SLC12A3: variants seen among roughly 807,000 people sequenced by gnomAD.
SLC12A3 encodes the protein solute carrier family 12 member 3.
SLC12A3 carries 104 observed loss-of-function variants against 121.0 expected under a neutral mutation model. The observed-to-expected ratio is 0.86, with a 90% CI of 0.73 to 1.01. The LOEUF is 1.01. Ranked by LOEUF, SLC12A3 falls within the 50% of genes least tolerant of loss-of-function variation. SLC12A3 has a pLI of 0.00. For missense variants in SLC12A3, 1,328 were observed against 1,356.3 expected (o/e 0.98, Z 0.33); for synonymous variants, 536 against 533.4 (o/e 1.00, Z -0.07).
chr16:56,902,563 T>A, intron 24 of SLC12A3, 55 bp downstream of exon 24: 1 of 1,595,548 alleles, frequency 6.3e-7, no homozygotes, highest in Non-Finnish European at 8.6e-7. Flanking sequence ...CAGGGACGGG[T>A]GTCCTGCATG....
chr16:56,886,880 G>A, intron 16 of SLC12A3, 73 bp from the exon 17 acceptor site: 1 of 1,602,552 alleles, frequency 6.2e-7, no homozygotes, highest in Admixed American at 1.7e-5. Context: ...AGCCTCCAGG[G>A]CAGGAGAGGG....
intron 21 of SLC12A3, among the ~76,000 whole-genome samples, chr16:56,893,965 TTTTTATTTTATTTATTTATTTATTTA>T (rs1470130177): frequency 7.4e-4 from 101 of 136,776 alleles, no homozygotes; most frequent in African/African-American, 2.7e-3. Flanking sequence ...TTTATTTTTA[TTTTTATTTTATTTATTTATTTATTTA>T]TTTATTTATT....
rs1264920063 is a variant in SLC12A3, at chr16:56,897,501, T to C, written c.2634-2029T>C. Reference sequence around the variant, plus strand: ...AGTTAAGGGAAACCCAGCAATCCTATCACTTTGTCCTCACCCCCACTAAGA... The same window carrying C: ...AGTTAAGGGAAACCCAGCAATCCTACCACTTTGTCCTCACCCCCACTAAGA... On this transcript the variant is annotated intron_variant, in intron 22 of 25. Transcript: ENST00000563236. 2.6e-5 allele frequency among the ~76,000 whole-genome samples: 4 copies of C among 152,208 alleles called. No individual in the cohort carries two copies. The East Asian group carries it at 7.7e-4, about 29-fold the overall frequency.
rs1964326505 is a variant in SLC12A3 at position 56,865,342 on chromosome 16, C to T, written c.107C>T (p.Ala36Val). Residue 36 changes from alanine (A) to valine (V), a missense_variant, in exon 1 of 26, where the codon GCC (alanine) becomes GTC (valine). Transcript: ENST00000563236. ...LSSDEPSPPA[A>V]YDSSHPSHLT... ...AGTGATGAGCCCTCTCCACCAGCTG[C>T]CTATGACAGCAGCCACCCCAGCCAC... is the stretch of plus-strand genomic sequence containing the variant. The T allele has an allele frequency of 2.5e-6, 4 of 1,614,150 alleles. No homozygotes were observed. Among genetic ancestry groups the T allele is most frequent in the African/African-American group, 2.7e-5 (2 of 75,064 alleles).
At chr16:56,880,316 T>C (rs1436466009) in intron 12 of SLC12A3, 63 bp downstream of exon 12, 10 of 1,534,376 alleles carry the variant, frequency 6.5e-6, no homozygotes, top group Non-Finnish European at 8.8e-6. Context: ...CATGAGGGTC[T>C]TGGGGGCCGG....
intron 12 of SLC12A3, 111 bp from the exon 13 acceptor site, chr16:56,882,285 C>T (rs35116758): frequency 0.018 from 14,812 of 829,280 alleles, 217 homozygotes; most frequent in Non-Finnish European, 0.025. Flanking sequence ...TTGAGACTGA[C>T]TGAGCCTTGG....
chr16:56,899,665 G>A, intron 23 of SLC12A3, 49 bp downstream of exon 23: 1 of 1,342,146 alleles, frequency 7.5e-7, no homozygotes, highest in Non-Finnish European at 1.1e-6. Context: ...CTGTGTGCCT[G>A]GAGACCCCTC....
chr16:56,872,019 G>A (rs1335579730), intron 6 of SLC12A3, among the ~76,000 whole-genome samples: 4 of 149,544 alleles, frequency 2.7e-5, no homozygotes, highest in Non-Finnish European at 3.0e-5. Context: ...CACTGTTTCC[G>A]GCCTGTATTT....
chr16:56,900,811 G>A (rs1280457568), intron 23 of SLC12A3, among the ~76,000 whole-genome samples: 3 of 152,108 alleles, frequency 2.0e-5, no homozygotes, highest in Non-Finnish European at 4.4e-5. Flanking sequence ...GATTACAGGC[G>A]TGAGCCACTG....
At position 56,870,704 on chromosome 16, in the gene SLC12A3, A is replaced by C. The variant is rs781438899; in HGVS notation, c.820A>C (p.Ile274Leu). Residue 274 changes from isoleucine (I) to leucine (L), a missense_variant, in exon 6 of 26, where the codon ATC (isoleucine) becomes CTC (leucine). Transcript: ENST00000563236. ...GGTCTCGGTCACTGTGCTGCTGGCC[A>C]TCTCCCTGGCTGGCATGGAGTGGGA... ...AVVSVTVLLA[I>L]SLAGMEWESK... is the part of the protein sequence containing the mutation. 2.5e-6 allele frequency: 4 copies of C among 1,613,744 alleles called. No individual in the cohort carries two copies. Among genetic ancestry groups the C allele is most frequent in the Non-Finnish European group, 2.5e-6 (3 of 1,179,698 alleles).
chr16:56,882,483 T>G lies in SLC12A3; in HGVS notation c.1655T>G (p.Ile552Ser), dbSNP rs1318456553. The G allele has an allele frequency of 1.2e-6, 2 of 1,613,752 alleles. No homozygotes were observed. Among genetic ancestry groups the G allele is most frequent in the South Asian group, 1.1e-5 (1 of 91,076 alleles). The change falls in exon 13 of 26, where the codon ATC becomes AGC. Residue 552 changes from isoleucine (I) to serine (S), a missense_variant. Transcript: ENST00000563236. ...AACTTCAGCTGCTTCCACGCCTCCA[T>G]CACCAACTCGCCTGGTAAGCAAACC... The part of the protein sequence containing the change: ...LINFSCFHAS[I>S]TNSPGWRPSF...
rs1596914920 is a variant in SLC12A3, at chr16:56,883,027, A to G, written c.1669+530A>G. The stretch of plus-strand genomic sequence containing the variant: ...CAGTGTGCACTTTACATGGATTCAT[A>G]CATTGCTTACCATCTGTAGGGGTTT... On this transcript the variant is annotated intron_variant, in intron 13 of 25. Coordinates refer to ENST00000563236, the MANE Select transcript of SLC12A3 (RefSeq NM_001126108.2). Among the ~76,000 whole-genome samples the G allele has an allele frequency of 3.3e-5, 5 of 152,256 alleles. No individual in the cohort carries two copies. In the South Asian group the frequency reaches 1.0e-3, roughly 32 times the overall value.
intron 23 of SLC12A3, among the ~76,000 whole-genome samples, chr16:56,901,138 C>T (rs1267127471): frequency 3.9e-5 from 6 of 152,168 alleles, no homozygotes; most frequent in Non-Finnish European, 7.3e-5. Flanking sequence ...ACACCCCTTC[C>T]ACTGGTTTCC....
At chr16:56,886,587 C>G (rs2055314938) in intron 16 of SLC12A3, 112 bp downstream of exon 16, 1 of 952,884 alleles carries the variant, frequency 1.0e-6, no homozygotes, top group Non-Finnish European at 1.6e-6. Flanking sequence ...GAGTTTGAGA[C>G]CAGCCTGGCC....
rs528632534 is a variant in SLC12A3, at chr16:56,882,550, A to G, written c.1669+53A>G. ...AGGAGGCACCCAGGGGGCAGGAGGAACTGGGGCATGGGGTGGGAGTGGGAG... is the reference window on the plus strand; with the variant it reads ...AGGAGGCACCCAGGGGGCAGGAGGAGCTGGGGCATGGGGTGGGAGTGGGAG... On this transcript the variant is annotated intron_variant, in intron 13 of 25. Transcript: ENST00000563236. 5.0e-6 allele frequency: 7 copies of G among 1,395,586 alleles called. No individual in the cohort carries two copies. In the African/African-American group the frequency reaches 9.9e-5, roughly 20 times the overall value. 86.5% of individuals were successfully genotyped at this position (1,395,586 alleles called of 1,614,324 possible).
chr16:56,867,077 G>GCAGA lies in SLC12A3; in HGVS notation c.293_296dup (p.His99GlnfsTer9), dbSNP rs2144682095. ...TGGTCTCTGGGCTGCCAGCAGGAAG[G>GCAGA]CAGACACCTGCATGCCCTGGCCTTT... On this transcript the variant is annotated frameshift_variant, in exon 2 of 26. Coordinates refer to ENST00000563236, the MANE Select transcript of SLC12A3 (RefSeq NM_001126108.2). LOFTEE classifies it high-confidence loss of function. The GCAGA allele has an allele frequency of 6.2e-7, 1 of 1,612,938 alleles. No homozygotes were observed. The highest frequency in any genetic ancestry group is 8.5e-7 in the Non-Finnish European group (1 of 1,180,024).
intron 9 of SLC12A3, among the ~76,000 whole-genome samples, chr16:56,878,842 G>A (rs774887297): frequency 3.3e-5 from 5 of 152,166 alleles, no homozygotes; most frequent in Admixed American, 1.3e-4. Context: ...AGCTCTCTGC[G>A]CCTCTGTAAA....
Position 56,913,574 on chromosome 16 carries a change from C to A in SLC12A3, c.*169C>A. 1.4e-6 allele frequency: 1 copy of A among 728,356 alleles called. No individual in the cohort carries two copies. Among genetic ancestry groups the A allele is most frequent in the South Asian group, 1.5e-5 (1 of 65,000 alleles). 45.1% of individuals were successfully genotyped at this position (728,356 alleles called of 1,614,324 possible). On this transcript the variant is annotated 3_prime_UTR_variant, in exon 26 of 26. Coordinates refer to ENST00000563236, the MANE Select transcript of SLC12A3 (RefSeq NM_001126108.2). ...GATTTCCAAATCTGGCTGGACTCCA[C>A]TTCCATGGGACACATTCCCTGGGTC...
Position 56,882,409 on chromosome 16 carries a change from C to A in SLC12A3, c.1581C>A (p.Thr527=). 6.2e-7 allele frequency: 1 copy of A among 1,614,052 alleles called. No homozygotes were observed. Among genetic ancestry groups the A allele is most frequent in the South Asian group, 1.1e-5 (1 of 91,082 alleles). Reference sequence around the variant, plus strand: ...GGGTCCCCGAAGCTGAGCTCAACACCATAGCCCCCATCATTTCCAACTTCT... The same window carrying A: ...GGGTCCCCGAAGCTGAGCTCAACACAATAGCCCCCATCATTTCCAACTTCT... ...VAFIIIAELN[T]IAPIISNFFL... The change falls in exon 13 of 26, where the codon ACC becomes ACA. Residue 527 remains threonine, a synonymous_variant. Coordinates refer to ENST00000563236, the MANE Select transcript of SLC12A3 (RefSeq NM_001126108.2).
Sources: allele counts gnomAD v4.1 joint callset (sites outside exome capture counted in the v4.1 genomes callset), GRCh38; gene constraint gnomAD v4.1.1; transcripts MANE v1.5; gene names NCBI Gene and HGNC (gene_info 2026-07-23, HGNC 2026-07-21).